Variants in MED27 observed in about 807,000 individuals in gnomAD.
MED27 encodes the protein mediator of RNA polymerase II transcription subunit 27.
Under a neutral mutation model 38.2 loss-of-function variants are expected in MED27, and 30 were observed. That is an observed-to-expected ratio of 0.79 (90% CI 0.59 to 1.07). The LOEUF (loss-of-function observed/expected upper bound fraction) is 1.07. MED27 is among the 50% of genes least tolerant of loss of function. The probability of loss-of-function intolerance (pLI) is 0.00; values close to 1 mark genes in which losing one functional copy is unlikely to be tolerated. For synonymous variants in MED27, 122 were observed against 153.5 expected (o/e 0.79, Z 1.52); for missense variants, 289 against 397.5 (o/e 0.73, Z 2.32).
At chr9:131,936,106 CTGGGTGACAAAG>C (rs1227376031) in intron 4 of MED27, among the ~76,000 whole-genome samples, 1 of 148,164 alleles carries the variant, frequency 6.7e-6, no homozygotes, top group Non-Finnish European at 1.5e-5. Flanking sequence ...GCACTCCAGC[CTGGGTGACAAAG>C]TGAGACCCTG....
intron 2 of MED27, among the ~76,000 whole-genome samples, chr9:132,016,199 A>G (rs1832599360): frequency 6.6e-6 from 1 of 152,248 alleles, no homozygotes; most frequent in Non-Finnish European, 1.5e-5. Context: ...TAGAGAGCAA[A>G]GACAACAAAA....
intron 3 of MED27, among the ~76,000 whole-genome samples, chr9:131,973,207 C>T (rs1831519851): frequency 6.6e-6 from 1 of 152,104 alleles, no homozygotes; most frequent in Non-Finnish European, 1.5e-5. Context: ...TGTCCATTCC[C>T]TCTTTCCTCC....
intron 2 of MED27, among the ~76,000 whole-genome samples, chr9:132,072,530 T>G (rs1351458741): frequency 6.6e-6 from 1 of 152,098 alleles, no homozygotes; most frequent in Non-Finnish European, 1.5e-5. Context: ...TTGGCTGTTC[T>G]TTTCACAATG....
At chr9:132,042,250 T>C (rs1833232706) in intron 2 of MED27, among the ~76,000 whole-genome samples, 1 of 152,236 alleles carries the variant, frequency 6.6e-6, no homozygotes, top group African/African-American at 2.4e-5. Context: ...GCTACAGTTA[T>C]TAACCCATGC....
chr9:131,902,297 C>T (rs527967954), intron 4 of MED27, among the ~76,000 whole-genome samples: 2 of 152,244 alleles, frequency 1.3e-5, no homozygotes, highest in East Asian at 3.9e-4. Flanking sequence ...GCGGAACTGT[C>T]CTCTTAACAG....
chr9:131,996,720 T>C (rs1832099967), intron 3 of MED27, among the ~76,000 whole-genome samples: 1 of 152,172 alleles, frequency 6.6e-6, no homozygotes, highest in African/African-American at 2.4e-5. Flanking sequence ...TGAGATTTTC[T>C]TCCACCTCTG....
chr9:131,955,077 G>A (rs1367650301), intron 3 of MED27, among the ~76,000 whole-genome samples: 1 of 151,956 alleles, frequency 6.6e-6, no homozygotes, highest in Non-Finnish European at 1.5e-5. Flanking sequence ...CTCGAAACAT[G>A]CAGAATATGT....
chr9:131,999,215 A>G (rs1054208502), intron 3 of MED27, among the ~76,000 whole-genome samples: 1 of 152,230 alleles, frequency 6.6e-6, no homozygotes, highest in Non-Finnish European at 1.5e-5. Context: ...GCCCCAAAAC[A>G]TAGCAGGGTA....
intron 2 of MED27, among the ~76,000 whole-genome samples, chr9:132,065,167 G>A (rs1434235837): frequency 6.6e-6 from 1 of 152,176 alleles, no homozygotes; most frequent in African/African-American, 2.4e-5. Context: ...ACACGTTAAT[G>A]CATATACACG....
intron 4 of MED27, among the ~76,000 whole-genome samples, chr9:131,907,686 G>A (rs1830095070): frequency 6.6e-6 from 1 of 151,152 alleles, no homozygotes; most frequent in African/African-American, 2.4e-5. Flanking sequence ...CCCATCGTCT[G>A]GGATGTGAGG....
At chr9:131,880,080 G>A in intron 6 of MED27, among the ~76,000 whole-genome samples, 1 of 152,242 alleles carries the variant, frequency 6.6e-6, no homozygotes, top group South Asian at 2.1e-4. Flanking sequence ...GCTGGCCACT[G>A]AGATGAACAC....
At chr9:132,061,154 G>A (rs368151156) in intron 2 of MED27, among the ~76,000 whole-genome samples, 1 of 152,228 alleles carries the variant, frequency 6.6e-6, no homozygotes, top group Admixed American at 6.5e-5. Flanking sequence ...AAAAGGATGT[G>A]GGTGAAACCT....
intron 2 of MED27, among the ~76,000 whole-genome samples, chr9:132,057,380 T>A (rs1207745511): frequency 6.6e-6 from 1 of 152,240 alleles, no homozygotes; most frequent in East Asian, 1.9e-4. Context: ...GAATGTGGGC[T>A]GTGGTCTGCT....
intron 4 of MED27, among the ~76,000 whole-genome samples, chr9:131,919,644 G>C (rs1418296263): frequency 6.6e-6 from 1 of 152,062 alleles, no homozygotes; most frequent in Non-Finnish European, 1.5e-5. Flanking sequence ...CAACAGTGCG[G>C]ATAAAGACTG....
At chr9:132,073,721 T>C (rs1314839241) in intron 2 of MED27, 2 of 1,520,432 alleles carry the variant, frequency 1.3e-6, no homozygotes, top group African/African-American at 2.8e-5. Context: ...TGGAATATTC[T>C]TGGAATAGAA....
In MED27 at chr9:131,917,179, G is replaced by A. The variant is rs938872979; in HGVS notation, c.573+22202C>T. Among the ~76,000 whole-genome samples, 6 of 152,206 alleles carry A rather than the reference G, an allele frequency of 3.9e-5. No individual in the cohort carries two copies. Among genetic ancestry groups the A allele is most frequent in the Non-Finnish European group, 5.9e-5 (4 of 68,034 alleles). On this transcript the variant is annotated intron_variant, in intron 4 of 7. Transcript: ENST00000292035. This position sits in a 1 kb window ranked among gnomAD's most constrained non-coding sequence, Gnocchi z 4.6. ...CATTTAGCAGATTGGAGCCAGGAAT[G>A]CTAAACCTTCTGCAATACGCTGGCC...
intron 3 of MED27, among the ~76,000 whole-genome samples, chr9:131,989,685 G>T (rs1297007521): frequency 1.3e-5 from 2 of 151,760 alleles, no homozygotes; most frequent in Non-Finnish European, 2.9e-5. Context: ...CCCAAGAGTA[G>T]AGAGAACCAT....
intron 6 of MED27, among the ~76,000 whole-genome samples, chr9:131,867,640 G>T (rs1156762124): frequency 6.6e-6 from 1 of 152,260 alleles, no homozygotes; most frequent in African/African-American, 2.4e-5. Flanking sequence ...GACCAGCGGT[G>T]CTGGCACCAT....
At position 131,860,483 on chromosome 9, in the gene MED27, C is replaced by T. The variant is rs1194595820; in HGVS notation, c.*55G>A. ...AACCAGCTGAGCCTTCTGTGGGCTTCCTGCGTGTCTGGGAAGGTGCTGGGT... is the reference window on the plus strand; with the variant it reads ...AACCAGCTGAGCCTTCTGTGGGCTTTCTGCGTGTCTGGGAAGGTGCTGGGT... On this transcript the variant is annotated 3_prime_UTR_variant, in exon 8 of 8. Coordinates refer to ENST00000292035, the MANE Select transcript of MED27 (RefSeq NM_004269.4). This position sits in a 1 kb window ranked among gnomAD's most constrained non-coding sequence, Gnocchi z 5.8. The T allele has an allele frequency of 1.4e-6, 2 of 1,465,380 alleles. No homozygotes were observed. The highest frequency in any genetic ancestry group is 1.4e-5 in the South Asian group (1 of 69,122). The allele number at this position is 1,465,380 out of a possible 1,614,324, so 90.8% of individuals were successfully genotyped here.
Sources: gnomAD v4.1 joint callset for allele counts (sites outside exome capture counted in the v4.1 genomes callset) on GRCh38, gnomAD v4.1.1 for gene constraint, Gnocchi (gnomAD v3.1) non-coding constraint, MANE v1.5 for transcripts, NCBI Gene and HGNC (gene_info 2026-07-23, HGNC 2026-07-21) for gene names.